The following EXOC6 variants were observed in gnomAD, a reference collection of about 807,000 sequenced individuals.
The protein encoded by EXOC6 is exocyst complex component 6.
A neutral mutation model predicts 112.5 loss-of-function variants in EXOC6; 60 were observed. The ratio of observed to expected loss-of-function variants is 0.53; its 90% CI spans 0.43 to 0.66. EXOC6 has a LOEUF of 0.66. Ranked by LOEUF, EXOC6 falls within the 30% of genes least tolerant of loss-of-function variation. EXOC6 has a pLI of 0.00. For missense variants in EXOC6, 855 were observed against 957.1 expected (o/e 0.89, Z 1.41); for synonymous variants, 295 against 308.0 (o/e 0.96, Z 0.44).
At chr10:92,831,727 G>A (rs534486662), upstream of EXOC6, among the ~76,000 whole-genome samples, 300 of 152,144 alleles carry the variant, frequency 2.0e-3, no homozygotes, top group Non-Finnish European at 3.5e-3. Context: ...GACCCACCGC[G>A]CCCAGCCTAT....
chr10:92,884,163 T>C (rs1849094880), intron 1 of EXOC6, among the ~76,000 whole-genome samples: 1 of 152,150 alleles, frequency 6.6e-6, no homozygotes, highest in South Asian at 2.1e-4. Context: ...CCTCCCAAAG[T>C]GCTGGGATTA....
chr10:93,043,408 C>T lies in EXOC6; in HGVS notation c.2170-13516C>T, dbSNP rs560919238. Among the ~76,000 whole-genome samples, 21 of 152,246 alleles carry T rather than the reference C, an allele frequency of 1.4e-4. No individual in the cohort carries two copies. The South Asian group carries it at 3.7e-3, about 27-fold the overall frequency. ...ATCTGTAAATACTTAAAGAATACTTCCAGTTTTCTTACCTGTTTGTTATTT... is the reference window on the plus strand; with the variant it reads ...ATCTGTAAATACTTAAAGAATACTTTCAGTTTTCTTACCTGTTTGTTATTT... On this transcript the variant is annotated intron_variant, in intron 20 of 21. Coordinates refer to ENST00000260762, the MANE Select transcript of EXOC6 (RefSeq NM_019053.6).
Position 92,950,103 on chromosome 10 carries a change from G to A in EXOC6, c.1416+1724G>A, listed in dbSNP as rs150312967. Among the ~76,000 whole-genome samples, 846 of 152,214 alleles carry A rather than the reference G, an allele frequency of 5.6e-3. 6 individuals carry two copies. The highest frequency in any genetic ancestry group is 0.017 in the African/African-American group (700 of 41,522). On this transcript the variant is annotated intron_variant, in intron 14 of 21. Coordinates refer to ENST00000260762, the MANE Select transcript of EXOC6 (RefSeq NM_019053.6). ...TTAGAAGTTGTATTCATTGGTCTATGTATTACTCATTATTAAAAAGAAGAA... is the reference window on the plus strand; with the variant it reads ...TTAGAAGTTGTATTCATTGGTCTATATATTACTCATTATTAAAAAGAAGAA...
upstream of EXOC6, among the ~76,000 whole-genome samples, chr10:92,832,273 A>C (rs1846510100): frequency 6.6e-6 from 1 of 152,168 alleles, no homozygotes; most frequent in East Asian, 1.9e-4. Flanking sequence ...AACTGTATAC[A>C]AGGTGTATAC....
At chr10:92,867,295 T>A (rs1848220655) in intron 1 of EXOC6, among the ~76,000 whole-genome samples, 1 of 152,206 alleles carries the variant, frequency 6.6e-6, no homozygotes. Flanking sequence ...GATCACCAAG[T>A]AAATGATCAT....
rs773031817 is a variant in EXOC6 at position 92,848,569 on chromosome 10, C to G, written c.36C>G (p.Pro12=). Residue 12 remains proline (P), a synonymous_variant, in exon 1 of 22, where the codon CCC becomes CCG. Coordinates refer to ENST00000260762, the MANE Select transcript of EXOC6 (RefSeq NM_019053.6). ...ACAGCGAGAGTCTGGGCACCGTCCC[C>G]GAGCACGAGCGGATCTTGCAGGAGA... ...AENSESLGTV[P]EHERILQEIE... 1.4e-6 allele frequency: 2 copies of G among 1,451,612 alleles called. No individual in the cohort carries two copies. Among genetic ancestry groups the G allele is most frequent in the South Asian group, 2.4e-5 (2 of 81,866 alleles). 89.9% of individuals were successfully genotyped at this position (1,451,612 alleles called of 1,614,324 possible). A position where few individuals can be genotyped will look rare whatever the true frequency, so the allele number is the denominator to read the frequency against.
rs998635996 is a variant in EXOC6 at position 93,048,128 on chromosome 10, C to T, written c.2170-8796C>T. On this transcript the variant is annotated intron_variant, in intron 20 of 21. Transcript: ENST00000260762. Reference sequence around the variant, plus strand: ...CCATGCCTGTGTGTTTCTGTGTGTGCATGGAGGGATAGCATTAGGAGATAT... The same window carrying T: ...CCATGCCTGTGTGTTTCTGTGTGTGTATGGAGGGATAGCATTAGGAGATAT... 1.1e-4 allele frequency among the ~76,000 whole-genome samples: 17 copies of T among 152,012 alleles called. 1 individual carries two copies. The highest frequency in any genetic ancestry group is 7.2e-4 in the Admixed American group (11 of 15,256).
chr10:92,948,573 C>CACTACTACTACTACTACT (rs71028860), intron 14 of EXOC6, among the ~76,000 whole-genome samples, 194 bp downstream of exon 14: 218 of 140,184 alleles, frequency 1.6e-3, no homozygotes, highest in Non-Finnish European at 2.1e-3. Context: ...CTACTACTAC[C>CACTACTACTACTACTACT]ACTACTACTA....
intron 17 of EXOC6, among the ~76,000 whole-genome samples, chr10:92,973,738 T>G (rs970193045): frequency 6.6e-6 from 1 of 152,204 alleles, no homozygotes; most frequent in Non-Finnish European, 1.5e-5. Context: ...AACTTTCGTT[T>G]TTCTACTTCT....
intron 20 of EXOC6, among the ~76,000 whole-genome samples, chr10:93,039,962 G>A (rs1590090701): frequency 6.6e-6 from 1 of 152,104 alleles, no homozygotes; most frequent in Non-Finnish European, 1.5e-5. Flanking sequence ...AATGAGATTC[G>A]TGTTCCCCTG....
intron 19 of EXOC6, 56 bp downstream of exon 19, chr10:92,997,671 T>C (rs745384354): frequency 4.8e-6 from 7 of 1,462,286 alleles, no homozygotes; most frequent in African/African-American, 2.9e-5. Context: ...GCTTAAATTA[T>C]ATGAAAAAAT....
rs149471759 is a variant in EXOC6, at chr10:93,023,151, A to G, written c.2169+8884A>G. Among the ~76,000 whole-genome samples, 225 of 152,088 alleles carry G rather than the reference A, an allele frequency of 1.5e-3. 1 individual carries two copies. The highest frequency in any genetic ancestry group is 4.9e-3 in the African/African-American group (204 of 41,494). Reference sequence around the variant, plus strand: ...AGTTTGAATTTGATACTGCTTCATGAGTTGCTATGAAAGATTAGGAAGTAG... The same window carrying G: ...AGTTTGAATTTGATACTGCTTCATGGGTTGCTATGAAAGATTAGGAAGTAG... On this transcript the variant is annotated intron_variant, in intron 20 of 21. Coordinates refer to ENST00000260762, the MANE Select transcript of EXOC6 (RefSeq NM_019053.6).
chr10:92,904,979 A>G (rs575954441), intron 5 of EXOC6, among the ~76,000 whole-genome samples: 2 of 152,174 alleles, frequency 1.3e-5, no homozygotes, highest in Non-Finnish European at 2.9e-5. Context: ...TAAAAAGTGA[A>G]GGTCACTGTT....
At chr10:92,851,867 A>G (rs1009960555) in intron 1 of EXOC6, among the ~76,000 whole-genome samples, 1 of 152,032 alleles carries the variant, frequency 6.6e-6, no homozygotes, top group Admixed American at 6.6e-5. Flanking sequence ...GCTCAGGCAT[A>G]CAAGACCAGC....
At chr10:92,914,057 G>A (rs1850948385) in intron 6 of EXOC6, among the ~76,000 whole-genome samples, 1 of 152,208 alleles carries the variant, frequency 6.6e-6, no homozygotes, top group Non-Finnish European at 1.5e-5. Context: ...CCAGGCCGTG[G>A]ACTGGTACCT....
chr10:92,848,476 C>G, upstream of EXOC6: 1 of 1,170,926 alleles, frequency 8.5e-7, no homozygotes, highest in Non-Finnish European at 1.1e-6. Context: ...CCACTTGGAG[C>G]TCGCCCCCGT....
chr10:92,843,577 C>A (rs1341013461), upstream of EXOC6, among the ~76,000 whole-genome samples: 1 of 152,010 alleles, frequency 6.6e-6, no homozygotes, highest in African/African-American at 2.4e-5. Flanking sequence ...TGGCCGGGCG[C>A]GGTGGCTCAC....
chr10:92,868,576 T>A (rs766242167), intron 1 of EXOC6, among the ~76,000 whole-genome samples: 1 of 152,122 alleles, frequency 6.6e-6, no homozygotes, highest in Non-Finnish European at 1.5e-5. Context: ...TCTCTAGTTC[T>A]AGAACACTCA....
chr10:92,912,167 G>A (rs1589818286), intron 6 of EXOC6, among the ~76,000 whole-genome samples: 2 of 151,450 alleles, frequency 1.3e-5, no homozygotes, highest in African/African-American at 4.9e-5. Flanking sequence ...ACGGATGGAT[G>A]GACTTGTTAT....
Sources: gnomAD v4.1 joint callset for allele counts (sites outside exome capture counted in the v4.1 genomes callset) on GRCh38, gnomAD v4.1.1 for gene constraint, MANE v1.5 for transcripts, NCBI Gene and HGNC (gene_info 2026-07-23, HGNC 2026-07-21) for gene names.